SYNPR: variants seen among roughly 807,000 people sequenced by gnomAD.
The protein encoded by SYNPR is synaptoporin.
Under a neutral mutation model 32.9 loss-of-function variants are expected in SYNPR, and 23 were observed. That is an observed-to-expected ratio of 0.70 (90% CI 0.50 to 0.99). The LOEUF (loss-of-function observed/expected upper bound fraction) is 0.99. SYNPR is among the 50% of genes least tolerant of loss of function. The pLI is 0.00. For missense variants in SYNPR, 318 were observed against 349.3 expected, an observed-to-expected ratio of 0.91 and a Z score of 0.71; for synonymous variants, 146 against 135.9, an observed-to-expected ratio of 1.07 and a Z score of -0.52.
intron 3 of SYNPR, among the ~76,000 whole-genome samples, chr3:63,506,601 T>C (rs1450734781): frequency 6.6e-6 from 1 of 152,118 alleles, no homozygotes; most frequent in African/African-American, 2.4e-5. Flanking sequence ...AGTAGAAAAA[T>C]CTGTTTATTT....
intron 2 of SYNPR, among the ~76,000 whole-genome samples, chr3:63,460,925 C>G (rs1297392671): frequency 6.6e-6 from 1 of 151,920 alleles, no homozygotes; most frequent in Non-Finnish European, 1.5e-5. Context: ...AAGGCACTAG[C>G]AGGCAAATAC....
chr3:63,227,144 T>C (rs999013452), upstream of SYNPR, among the ~76,000 whole-genome samples: 11 of 152,228 alleles, frequency 7.2e-5, no homozygotes, highest in Admixed American at 6.5e-4. Flanking sequence ...CCTTCATAAT[T>C]ATCCACTTTT....
chr3:63,307,703 C>T (rs1220357834), intron 2 of SYNPR, among the ~76,000 whole-genome samples: 1 of 151,892 alleles, frequency 6.6e-6, no homozygotes, highest in Non-Finnish European at 1.5e-5. Context: ...AGATAATCAT[C>T]CTTCAATTTA....
chr3:63,211,705 T>C, the SYNPR span, among the ~76,000 whole-genome samples: 1 of 70,252 alleles, frequency 1.4e-5, no homozygotes, highest in Non-Finnish European at 3.0e-5. Flanking sequence ...AGCTTGAATC[T>C]TTCTTTTTTT....
At chr3:63,580,399 C>T (rs1319791588) in intron 4 of SYNPR, among the ~76,000 whole-genome samples, 1 of 152,120 alleles carries the variant, frequency 6.6e-6, no homozygotes, top group Non-Finnish European at 1.5e-5. Flanking sequence ...TCAGGCATGA[C>T]CTGTGGGGAG....
intron 2 of SYNPR, among the ~76,000 whole-genome samples, chr3:63,404,750 A>C (rs984344879): frequency 6.6e-6 from 1 of 152,156 alleles, no homozygotes; most frequent in Non-Finnish European, 1.5e-5. Flanking sequence ...TATTTATCCT[A>C]TTATTATTTT....
At position 63,376,898 on chromosome 3, in the gene SYNPR, T is replaced by A. The variant is rs146751936; in HGVS notation, c.84+98156T>A. Among the ~76,000 whole-genome samples, 143 of 152,250 alleles carry A rather than the reference T, an allele frequency of 9.4e-4. 5 individuals carry two copies. The East Asian group carries it at 0.024, about 25-fold the overall frequency. On this transcript the variant is annotated intron_variant, in intron 2 of 5. Coordinates refer to ENST00000478300, the MANE Select transcript of SYNPR (RefSeq NM_001130003.2). ...TACAAGAACCATACCTGTTTTATTCTCTATTGTATTCCTAGAGCATAAAAT... is the reference window on the plus strand; with the variant it reads ...TACAAGAACCATACCTGTTTTATTCACTATTGTATTCCTAGAGCATAAAAT...
intron 3 of SYNPR, among the ~76,000 whole-genome samples, chr3:63,271,642 A>G (rs1250072136): frequency 6.6e-6 from 1 of 152,134 alleles, no homozygotes; most frequent in African/African-American, 2.4e-5. Context: ...CTAAAACAGA[A>G]GTAAAATTAT....
intron 2 of SYNPR, among the ~76,000 whole-genome samples, chr3:63,292,165 T>C (rs1321509928): frequency 6.6e-6 from 1 of 152,236 alleles, no homozygotes; most frequent in Admixed American, 6.5e-5. Flanking sequence ...GGTTGGTCAT[T>C]GACCAAAACA....
chr3:63,265,608 AAAAC>A (rs1473389748), intron 2 of SYNPR, among the ~76,000 whole-genome samples: 10 of 152,360 alleles, frequency 6.6e-5, no homozygotes, highest in East Asian at 3.9e-4. Context: ...TACATTAACA[AAAAC>A]AAACAAAACC....
chr3:63,507,166 G>A (rs56733617), intron 3 of SYNPR, among the ~76,000 whole-genome samples: 2 of 150,846 alleles, frequency 1.3e-5, no homozygotes, highest in African/African-American at 2.4e-5. Context: ...AAAAAAAAAA[G>A]AAAAGAAAAA....
At chr3:63,332,435 G>A (rs2087240530) in intron 2 of SYNPR, among the ~76,000 whole-genome samples, 1 of 152,154 alleles carries the variant, frequency 6.6e-6, no homozygotes, top group South Asian at 2.1e-4. Context: ...AGTTCCATGA[G>A]GGCCAAAATA....
chr3:63,349,737 A>C (rs1295943897), intron 2 of SYNPR, among the ~76,000 whole-genome samples: 1 of 151,898 alleles, frequency 6.6e-6, no homozygotes, highest in East Asian at 1.9e-4. Context: ...TGGAGAATCC[A>C]AGTTCCTTCT....
intron 2 of SYNPR, among the ~76,000 whole-genome samples, chr3:63,312,744 T>C (rs2086981356): frequency 6.6e-6 from 1 of 151,980 alleles, no homozygotes; most frequent in Non-Finnish European, 1.5e-5. Flanking sequence ...CACCCAACTC[T>C]TTTGCACTAA....
chr3:63,473,368 G>A (rs1382800964), intron 2 of SYNPR, among the ~76,000 whole-genome samples: 2 of 151,050 alleles, frequency 1.3e-5, no homozygotes, highest in Non-Finnish European at 2.9e-5. Flanking sequence ...AAGTTCCCTG[G>A]AGGTAGGGGA....
At chr3:63,443,111 G>A (rs372853687) in intron 2 of SYNPR, 39 of 1,108,462 alleles carry the variant, frequency 3.5e-5, no homozygotes, top group Non-Finnish European at 4.3e-5. Context: ...TGAGCCAAGA[G>A]CCAAGTGTGG....
intron 2 of SYNPR, among the ~76,000 whole-genome samples, chr3:63,410,945 A>C (rs1298318408): frequency 6.6e-6 from 1 of 152,184 alleles, no homozygotes; most frequent in African/African-American, 2.4e-5. Flanking sequence ...TTGTTAGGCT[A>C]GTTTTGGAGC....
intron 4 of SYNPR, among the ~76,000 whole-genome samples, chr3:63,571,126 G>C (rs548654655): frequency 1.3e-5 from 2 of 152,264 alleles, no homozygotes; most frequent in South Asian, 4.1e-4. Flanking sequence ...AAGAGACTCA[G>C]CTTGCTATTT....
At chr3:63,368,930 CTGT>C (rs1479052085) in intron 2 of SYNPR, among the ~76,000 whole-genome samples, 1 of 152,184 alleles carries the variant, frequency 6.6e-6, no homozygotes, top group Non-Finnish European at 1.5e-5. Context: ...CATGAAGATG[CTGT>C]TGTTGTCAAG....
Sources: gnomAD v4.1 joint callset for allele counts (sites outside exome capture counted in the v4.1 genomes callset) on GRCh38, gnomAD v4.1.1 for gene constraint, MANE v1.5 for transcripts, NCBI Gene and HGNC (gene_info 2026-07-23, HGNC 2026-07-21) for gene names.